The following TENM4 variants were observed in gnomAD, a reference collection of about 807,000 sequenced individuals.
TENM4 encodes the protein teneurin transmembrane protein 4, also known as teneurin-4.
Under a neutral mutation model 243.3 loss-of-function variants are expected in TENM4, and 82 were observed. The observed-to-expected ratio is 0.34, with a 90% CI of 0.28 to 0.40. The LOEUF (loss-of-function observed/expected upper bound fraction) is 0.40. Among genes scored for constraint, TENM4 ranks in the 10% least tolerant of loss-of-function variants. TENM4 has a pLI of 1.00. For synonymous variants in TENM4, 1,412 were observed against 1,456.3 expected, an observed-to-expected ratio of 0.97 and a Z score of 0.69; for missense variants, 3,138 against 3,673.3, an observed-to-expected ratio of 0.85 and a Z score of 3.77.
At chr11:79,295,155 T>C in intron 2 of TENM4, among the ~76,000 whole-genome samples, 1 of 152,138 alleles carries the variant, frequency 6.6e-6, no homozygotes, top group Non-Finnish European at 1.5e-5. Context: ...ACAAACCCAG[T>C]CCTGTTTAGG....
chr11:78,963,064 T>C (rs1380751021), intron 6 of TENM4, among the ~76,000 whole-genome samples: 1 of 152,232 alleles, frequency 6.6e-6, no homozygotes, highest in Non-Finnish European at 1.5e-5. Flanking sequence ...GCCTGGCACA[T>C]AGTAGGCATT....
chr11:79,031,798 A>G (rs571174192), intron 6 of TENM4, among the ~76,000 whole-genome samples: 1 of 152,294 alleles, frequency 6.6e-6, no homozygotes, highest in Non-Finnish European at 1.5e-5. Flanking sequence ...ATGCTAGGGC[A>G]TTGGTTCTTA....
At chr11:78,736,447 TGTGTGTGTG>T (rs1855794885) in intron 20 of TENM4, among the ~76,000 whole-genome samples, 1 of 13,836 alleles carries the variant, frequency 7.2e-5, no homozygotes, top group African/African-American at 1.3e-4. Flanking sequence ...TTTCAGCAAG[TGTGTGTGTG>T]TGTGTGTGTG....
intron 6 of TENM4, among the ~76,000 whole-genome samples, chr11:78,972,339 C>T (rs185741736): frequency 3.9e-5 from 6 of 152,148 alleles, no homozygotes; most frequent in South Asian, 4.2e-4. Flanking sequence ...TTTTCAGGAG[C>T]GGGTCCCAGG....
intron 6 of TENM4, among the ~76,000 whole-genome samples, chr11:78,949,793 G>A (rs904529378): frequency 2.0e-5 from 3 of 152,196 alleles, no homozygotes; most frequent in Non-Finnish European, 4.4e-5. Context: ...GGTCTGGTTA[G>A]TTGTGGGCCT....
chr11:79,178,988 G>C (rs565643760), intron 3 of TENM4, among the ~76,000 whole-genome samples: 1 of 152,332 alleles, frequency 6.6e-6, no homozygotes, highest in South Asian at 2.1e-4. Flanking sequence ...AAGTCAGTGA[G>C]GGCTGCCCTT....
At chr11:79,030,924 C>T (rs1416956556) in intron 6 of TENM4, among the ~76,000 whole-genome samples, 1 of 151,908 alleles carries the variant, frequency 6.6e-6, no homozygotes, top group East Asian at 1.9e-4. Context: ...ACCCAGGAGA[C>T]AGAGGCAAAA....
intron 1 of TENM4, among the ~76,000 whole-genome samples, chr11:79,340,463 C>G (rs1014788622): frequency 1.3e-5 from 2 of 152,170 alleles, no homozygotes; most frequent in Admixed American, 1.3e-4. Flanking sequence ...AAATGATACT[C>G]TTGAGGCTGG....
At chr11:79,036,443 G>A (rs1449898970) in intron 6 of TENM4, among the ~76,000 whole-genome samples, 1 of 152,220 alleles carries the variant, frequency 6.6e-6, no homozygotes. Flanking sequence ...AGGGAACTCG[G>A]TGTTCAGGCA....
chr11:78,933,704 A>G (rs549052925), intron 6 of TENM4, among the ~76,000 whole-genome samples: 1 of 152,302 alleles, frequency 6.6e-6, no homozygotes, highest in East Asian at 1.9e-4. Context: ...AGGTAGTTGC[A>G]CTGGAAGGCA....
chr11:78,787,129 GAGGCAGTGGCCAGAGGGGC>G (rs1268141772), intron 15 of TENM4, 46 bp from the exon 16 acceptor site: 1 of 1,507,434 alleles, frequency 6.6e-7, no homozygotes, highest in Non-Finnish European at 8.9e-7. Context: ...GCCAGGATGG[GAGGCAGTGGCCAGAGGGGC>G]AGGGGAGAGA....
intron 6 of TENM4, among the ~76,000 whole-genome samples, chr11:78,908,470 G>A (rs1856113427): frequency 1.3e-5 from 2 of 152,212 alleles, no homozygotes; most frequent in Non-Finnish European, 2.9e-5. Flanking sequence ...TCACCATGGT[G>A]ATCACTCTTC....
At chr11:78,718,209 G>C (rs1403930293) in intron 25 of TENM4, among the ~76,000 whole-genome samples, 2 of 152,170 alleles carry the variant, frequency 1.3e-5, no homozygotes, top group Non-Finnish European at 2.9e-5. Context: ...CAATATCCAG[G>C]TGGCAGTTAA....
At chr11:78,699,845 T>A (rs1057307826) in intron 28 of TENM4, among the ~76,000 whole-genome samples, 2 of 152,168 alleles carry the variant, frequency 1.3e-5, no homozygotes, top group African/African-American at 4.8e-5. Context: ...GGGAACTAAT[T>A]GAGTGCACAG....
intron 3 of TENM4, among the ~76,000 whole-genome samples, chr11:79,181,025 C>T (rs1272054947): frequency 6.6e-6 from 1 of 152,024 alleles, no homozygotes; most frequent in Non-Finnish European, 1.5e-5. Flanking sequence ...ATGGAAGAAA[C>T]TATACCAATT....
At chr11:78,813,657 G>A (rs1258172957) in intron 13 of TENM4, among the ~76,000 whole-genome samples, 1 of 152,240 alleles carries the variant, frequency 6.6e-6, no homozygotes, top group Admixed American at 6.5e-5. Context: ...CACTTTCCTT[G>A]TTAATTATTC....
At chr11:79,344,548 T>C (rs1476105682) in intron 1 of TENM4, among the ~76,000 whole-genome samples, 1 of 152,234 alleles carries the variant, frequency 6.6e-6, no homozygotes, top group Non-Finnish European at 1.5e-5. Context: ...TGCATGCACC[T>C]GACCAGGTAG....
chr11:79,041,367 T>G (rs1322529549), intron 6 of TENM4, among the ~76,000 whole-genome samples: 2 of 152,086 alleles, frequency 1.3e-5, no homozygotes, highest in African/African-American at 4.8e-5. Context: ...CCCGGCCTCA[T>G]TTGTCTCTTG....
At chr11:79,034,334 T>C (rs1182204613) in intron 6 of TENM4, among the ~76,000 whole-genome samples, 1 of 152,228 alleles carries the variant, frequency 6.6e-6, no homozygotes, top group Non-Finnish European at 1.5e-5. Context: ...TCCCACTGCA[T>C]GCTGGGGCTG....
Sources: allele counts gnomAD v4.1 joint callset (sites outside exome capture counted in the v4.1 genomes callset), GRCh38; gene constraint gnomAD v4.1.1; transcripts MANE v1.5; gene names NCBI Gene and HGNC (gene_info 2026-07-23, HGNC 2026-07-21).